Variants in TRAF7 observed in about 807,000 individuals in gnomAD.
TRAF7 encodes E3 ubiquitin-protein ligase TRAF7.
A neutral mutation model predicts 89.3 loss-of-function variants in TRAF7; 45 were observed. The ratio of observed to expected loss-of-function variants is 0.50; its 90% confidence interval spans 0.40 to 0.65. The LOEUF (loss-of-function observed/expected upper bound fraction) is 0.65, where lower values mean the gene tolerates loss of function less well. TRAF7 is among the 30% of genes least tolerant of loss of function. The pLI, the probability that TRAF7 is intolerant of heterozygous loss-of-function variation, is 0.00. For missense variants in TRAF7, 677 were observed against 918.1 expected, an observed-to-expected ratio of 0.74 and a Z score of 3.39; for synonymous variants, 406 against 369.2, an observed-to-expected ratio of 1.10 and a Z score of -1.14.
rs2093147998 is a variant in TRAF7, at chr16:2,177,999, G to A, written c.*1425G>A. 1 of 398,380 alleles carries A rather than the reference G, an allele frequency of 2.5e-6. No homozygotes were observed. The highest frequency in any genetic ancestry group is 5.4e-5 in the East Asian group (1 of 18,488). 24.7% of individuals were successfully genotyped at this position (398,380 alleles called of 1,614,324 possible). On this transcript the variant is annotated 3_prime_UTR_variant, in exon 21 of 21. Coordinates refer to ENST00000326181, the MANE Select transcript of TRAF7 (RefSeq NM_032271.3). ...GCTAGACTTCGTGTCCTTTCAGTTG[G>A]TAAATGGTTTTCTATAGAATCAATA...
At position 2,161,537 on chromosome 16, in the gene TRAF7, G is replaced by T. The variant is rs373476060; in HGVS notation, c.-38-2346G>T. 6.6e-6 allele frequency among the ~76,000 whole-genome samples: 1 copy of T among 152,122 alleles called. No homozygotes were observed. Among genetic ancestry groups the T allele is most frequent in the Non-Finnish European group, 1.5e-5 (1 of 68,020 alleles). On this transcript the variant is annotated intron_variant, in intron 1 of 20. Transcript: ENST00000326181. The surrounding 1 kb of genome is among the most constrained non-coding windows in gnomAD (Gnocchi z 5.2). ...CTGGGCCCCCGGGCAGGCATCACTGGCAGGGCTTGCAGCTGGCCCTGGGGC... is the reference window on the plus strand; with the variant it reads ...CTGGGCCCCCGGGCAGGCATCACTGTCAGGGCTTGCAGCTGGCCCTGGGGC...
In TRAF7 at chr16:2,172,717, G is replaced by A. The variant is rs1433263646; in HGVS notation, c.794+118G>A. 8 of 1,270,966 alleles carry A rather than the reference G, an allele frequency of 6.3e-6. No individual in the cohort carries two copies. In the South Asian group the frequency reaches 7.3e-5, roughly 12 times the overall value. 78.7% of individuals were successfully genotyped at this position (1,270,966 alleles called of 1,614,324 possible). ...AGGCCGGAGCTGGGGCCACACCGGGGTCTGTAATCCTCTCTGAGGCCCAAG... is the reference window on the plus strand; with the variant it reads ...AGGCCGGAGCTGGGGCCACACCGGGATCTGTAATCCTCTCTGAGGCCCAAG... On this transcript the variant is annotated intron_variant, in intron 9 of 20. Transcript: ENST00000326181.
intron 17 of TRAF7, 66 bp downstream of exon 17, chr16:2,175,688 CT>C: frequency 6.3e-7 from 1 of 1,593,582 alleles, no homozygotes; most frequent in Non-Finnish European, 8.6e-7. Flanking sequence ...AGGCCAGCAC[CT>C]GGGGCTCCAT....
In TRAF7 at chr16:2,168,117, C is replaced by A. The variant is rs772655558; in HGVS notation, c.180C>A (p.Pro60=). The A allele has an allele frequency of 6.2e-7, 1 of 1,612,312 alleles. No individual in the cohort carries two copies. Among genetic ancestry groups the A allele is most frequent in the Non-Finnish European group, 8.5e-7 (1 of 1,179,836 alleles). ...CCTACAAGCAGCACTGCAGGACACC[C>A]TCCTCCTCCAGCACCCTTGCCTACT... The part of the protein sequence containing the change: ...TSTYKQHCRT[P]SSSSTLAYSP... Residue 60 remains proline (P), a synonymous_variant, in exon 4 of 21, where the codon CCC becomes CCA. Transcript: ENST00000326181. This position sits in a 1 kb window ranked among gnomAD's most constrained non-coding sequence, Gnocchi z 4.1.
chr16:2,173,858 C>CTG, intron 12 of TRAF7, 22 bp downstream of exon 12: 5 of 1,599,270 alleles, frequency 3.1e-6, no homozygotes, highest in Non-Finnish European at 3.4e-6. Context: ...CCCGCCGTGG[C>CTG]TCCCGCCCAC....
At chr16:2,165,270 CGT>C (rs2093079858) in intron 2 of TRAF7, among the ~76,000 whole-genome samples, 1 of 135,386 alleles carries the variant, frequency 7.4e-6, no homozygotes, top group Non-Finnish European at 1.6e-5. Context: ...CATGGTTAAG[CGT>C]GTTAGTGCTG....
intron 1 of TRAF7, among the ~76,000 whole-genome samples, chr16:2,156,898 A>C (rs1167904479): frequency 1.3e-5 from 2 of 152,186 alleles, no homozygotes; most frequent in Non-Finnish European, 2.9e-5. Context: ...ATCGTCTCCT[A>C]GTCCCCACTG....
intron 11 of TRAF7, 42 bp from the exon 12 acceptor site, chr16:2,173,746 A>C (rs368044593): frequency 3.7e-6 from 6 of 1,606,060 alleles, no homozygotes; most frequent in Non-Finnish European, 5.1e-6. Flanking sequence ...GCCCCACAGC[A>C]GCCCTGCCCA....
chr16:2,157,525 C>G (rs922594738), intron 1 of TRAF7, among the ~76,000 whole-genome samples: 1 of 152,204 alleles, frequency 6.6e-6, no homozygotes, highest in African/African-American at 2.4e-5. Context: ...CTGCCTGTGT[C>G]CCCCACAAGG....
intron 4 of TRAF7, among the ~76,000 whole-genome samples, chr16:2,170,135 G>A (rs2093102186): frequency 6.6e-6 from 1 of 152,170 alleles, no homozygotes; most frequent in African/African-American, 2.4e-5. Context: ...GCTGGGCCTG[G>A]TGTCCCCCAC....
At position 2,177,614 on chromosome 16, in the gene TRAF7, C is replaced by T; in HGVS notation, c.*1040C>T. The T allele has an allele frequency of 8.5e-6, 2 of 236,556 alleles. No homozygotes were observed. The highest frequency in any genetic ancestry group is 1.2e-4 in the East Asian group (2 of 16,480). 14.7% of individuals were successfully genotyped at this position (236,556 alleles called of 1,614,324 possible). ...GAACTCCACTGGGGTGGATGGGCTG[C>T]CTGCACAGCCCCTGGAGAGGGGGCC... On this transcript the variant is annotated 3_prime_UTR_variant, in exon 21 of 21. Coordinates refer to ENST00000326181, the MANE Select transcript of TRAF7 (RefSeq NM_032271.3).
chr16:2,173,857 G>GCGGGGGGGGCCCCC, intron 12 of TRAF7, 21 bp downstream of exon 12: 8 of 1,607,418 alleles, frequency 5.0e-6, no homozygotes, highest in Non-Finnish European at 6.8e-6. Context: ...ACCCGCCGTG[G>GCGGGGGGGGCCCCC]CTCCCGCCCA....
chr16:2,172,658 C>G, intron 9 of TRAF7, 59 bp downstream of exon 9: 1 of 1,510,716 alleles, frequency 6.6e-7, no homozygotes, highest in Non-Finnish European at 8.9e-7. Context: ...ACAGGCTCCG[C>G]TGAGAGCTGC....
chr16:2,175,786 G>A (rs372038134), intron 17 of TRAF7, 48 bp from the exon 18 acceptor site: 2 of 1,606,992 alleles, frequency 1.2e-6, no homozygotes, highest in Admixed American at 1.7e-5. Flanking sequence ...GGGGGCCCTG[G>A]GGGTGAAGCA....
At chr16:2,173,641 C>G (rs1261480659) in intron 11 of TRAF7, 87 bp downstream of exon 11, 4 of 1,576,504 alleles carry the variant, frequency 2.5e-6, no homozygotes, top group Non-Finnish European at 3.5e-6. Context: ...GCCTTGCCTA[C>G]ACTAGTCAAG....
chr16:2,171,688 C>G, intron 7 of TRAF7, 83 bp downstream of exon 7: 1 of 1,599,516 alleles, frequency 6.3e-7, no homozygotes. Context: ...CCCTTGTCCC[C>G]TGCACAGCGT....
chr16:2,156,202 G>A (rs2093033547), intron 1 of TRAF7, among the ~76,000 whole-genome samples: 1 of 152,100 alleles, frequency 6.6e-6, no homozygotes, highest in Non-Finnish European at 1.5e-5. Flanking sequence ...TGTGCTCGGC[G>A]TCTGCTGCAG....
chr16:2,176,420 G>A, intron 20 of TRAF7, 36 bp downstream of exon 20: 1 of 1,611,654 alleles, frequency 6.2e-7, no homozygotes, highest in African/African-American at 1.3e-5. Flanking sequence ...CAAAGGGGCT[G>A]CACAGGATGG....
chr16:2,173,859 T>TGGGCCGCCCCCCC, intron 12 of TRAF7, 23 bp downstream of exon 12: 1 of 1,246,236 alleles, frequency 8.0e-7, no homozygotes, highest in Non-Finnish European at 1.1e-6. Flanking sequence ...CCGCCGTGGC[T>TGGGCCGCCCCCCC]CCCGCCCACC....
Sources: allele counts gnomAD v4.1 joint callset (sites outside exome capture counted in the v4.1 genomes callset), GRCh38; gene constraint gnomAD v4.1.1; non-coding constraint Gnocchi (gnomAD v3.1); transcripts MANE v1.5; gene names NCBI Gene and HGNC (gene_info 2026-07-23, HGNC 2026-07-21).